Variants in ABCA9 observed in about 807,000 individuals in gnomAD.
ABCA9 encodes the protein ATP binding cassette subfamily A member 9.
ABCA9 carries 183 observed loss-of-function variants against 205.3 expected under a neutral mutation model. The ratio of observed to expected loss-of-function variants is 0.89; its 90% CI spans 0.79 to 1.01. ABCA9 has a LOEUF of 1.01. Ranked by LOEUF, ABCA9 falls within the 50% of genes least tolerant of loss-of-function variation. ABCA9 has a pLI of 0.00. For synonymous variants in ABCA9, 651 were observed against 683.3 expected (o/e 0.95, Z 0.74); for missense variants, 1,805 against 1,912.4 (o/e 0.94, Z 1.05).
intron 25 of ABCA9, chr17:69,004,693 A>G (rs370078634): frequency 3.4e-4 from 51 of 152,124 alleles, no homozygotes; most frequent in East Asian, 2.7e-3. Flanking sequence ...GGGCAATGGC[A>G]GGCGCCCCTC....
intron 19 of ABCA9, among the ~76,000 whole-genome samples, chr17:69,018,838 ATC>A (rs571465219): frequency 5.7e-4 from 86 of 152,046 alleles, no homozygotes; most frequent in Middle Eastern, 6.8e-3. Flanking sequence ...TGACTCTTAA[ATC>A]TCTCTTCACA....
chr17:69,038,999 C>T (rs1297466806), intron 6 of ABCA9, among the ~76,000 whole-genome samples: 1 of 152,090 alleles, frequency 6.6e-6, no homozygotes, highest in Non-Finnish European at 1.5e-5. Flanking sequence ...AGGAATACAA[C>T]TTACAAGGGA....
intron 10 of ABCA9, among the ~76,000 whole-genome samples, chr17:69,030,727 C>T (rs562835169): frequency 6.6e-6 from 1 of 152,248 alleles, no homozygotes; most frequent in East Asian, 1.9e-4. Context: ...TATCAGCTTG[C>T]TTTATTCCTT....
chr17:69,006,408 T>C (rs1202616302), intron 25 of ABCA9, among the ~76,000 whole-genome samples: 1 of 152,170 alleles, frequency 6.6e-6, no homozygotes, highest in East Asian at 1.9e-4. Flanking sequence ...CAACAATGAA[T>C]AAATAAATTA....
At chr17:69,026,510 T>C (rs753134410) in intron 15 of ABCA9, 43 bp from the exon 16 acceptor site, 4 of 1,491,322 alleles carry the variant, frequency 2.7e-6, no homozygotes, top group Admixed American at 1.7e-5. Flanking sequence ...GAAGGACTTA[T>C]TTCTTTACTA....
At chr17:68,981,857 A>AAAAAAAAAC in intron 37 of ABCA9, among the ~76,000 whole-genome samples, 1 of 150,902 alleles carries the variant, frequency 6.6e-6, no homozygotes, top group African/African-American at 2.4e-5. Context: ...AAAAAAAAAA[A>AAAAAAAAAC]AAAGCTAGGA....
At chr17:69,063,229 CCTTGCCTTTTG>C (rs1249569439), upstream of ABCA9, among the ~76,000 whole-genome samples, 1 of 152,148 alleles carries the variant, frequency 6.6e-6, no homozygotes, top group Non-Finnish European at 1.5e-5. Context: ...TTACAATTTT[CCTTGCCTTTTG>C]CTTCATTTAT....
At chr17:69,021,312 G>C (rs912049691) in intron 18 of ABCA9, among the ~76,000 whole-genome samples, 1 of 152,030 alleles carries the variant, frequency 6.6e-6, no homozygotes, top group Non-Finnish European at 1.5e-5. Flanking sequence ...AGCAATAAGA[G>C]AGAAAAGACA....
Position 69,049,349 on chromosome 17 carries a change from A to G in ABCA9, c.238T>C (p.Phe80Leu). 1 of 1,613,376 alleles carries G rather than the reference A, an allele frequency of 6.2e-7. No individual in the cohort carries two copies. Among genetic ancestry groups the G allele is most frequent in the Non-Finnish European group, 8.5e-7 (1 of 1,179,588 alleles). ...SFNDTNYVIAFAPESKTTQEI... is the reference protein window; with the variant it reads ...SFNDTNYVIALAPESKTTQEI... ...TGGGTAGTTTTGGATTCAGGTGCAA[A>G]TGCAATAACATAATTAGTATCATTA... The change falls in exon 3 of 39, where the codon TTT (phenylalanine) becomes CTT (leucine). Residue 80 changes from phenylalanine to leucine, a missense_variant. By Grantham distance (22) the Phe-to-Leu change is conservative. Transcript: ENST00000340001.
Position 69,008,241 on chromosome 17 carries a change from A to T in ABCA9, c.3148-6T>A, listed in dbSNP as rs184920534. The T allele has an allele frequency of 6.2e-7, 1 of 1,611,320 alleles. No homozygotes were observed. Among genetic ancestry groups the T allele is most frequent in the African/African-American group, 1.3e-5 (1 of 74,820 alleles). On this transcript the variant is annotated splice_polypyrimidine_tract_variant and splice_region_variant and intron_variant, in intron 23 of 38. Coordinates refer to ENST00000340001, the MANE Select transcript of ABCA9 (RefSeq NM_080283.4). ...AGCTGGGAATGAGCTTTTTTCTGATAAAGAAATAGAAGAATCATCAAAAGG... is the reference window on the plus strand; with the variant it reads ...AGCTGGGAATGAGCTTTTTTCTGATTAAGAAATAGAAGAATCATCAAAAGG...
At position 69,044,594 on chromosome 17, in the gene ABCA9, C is replaced by G. The variant is rs2071650061; in HGVS notation, c.476G>C (p.Cys159Ser). ...MKEHRDHSAH[C>S]QAVNEKMKCE... ...CTTCATTTTTTCATTCACTGCTTGA[C>G]AGTGAGCTTTAGAAGAAGAACACAT... The change falls in exon 5 of 39, where the codon TGT (cysteine) becomes TCT (serine). Residue 159 changes from cysteine to serine, a missense_variant. By Grantham distance (112) the Cys-to-Ser change is moderately radical. Coordinates refer to ENST00000340001, the MANE Select transcript of ABCA9 (RefSeq NM_080283.4). 3 of 1,612,414 alleles carry G rather than the reference C, an allele frequency of 1.9e-6. No individual in the cohort carries two copies. The highest frequency in any genetic ancestry group is 2.2e-5 in the East Asian group (1 of 44,748).
chr17:69,012,211 G>A, intron 22 of ABCA9, 128 bp from the exon 23 acceptor site: 1 of 591,812 alleles, frequency 1.7e-6, no homozygotes, highest in Non-Finnish European at 2.9e-6. Context: ...GGTCCTATAT[G>A]CAACTTCTTA....
In ABCA9 at chr17:68,986,286, G is replaced by A. The variant is rs368631087; in HGVS notation, c.4086C>T (p.Gly1362=). The change falls in exon 32 of 39, where the codon GGC becomes GGT. Residue 1362 remains glycine, a synonymous_variant. Coordinates refer to ENST00000340001, the MANE Select transcript of ABCA9 (RefSeq NM_080283.4). ...TCTCCTGAGGGCAGTACCCCAGGAA[G>A]CCCAGGGGTTCCCCTCCACCGCTCC... ...LKGSGGGEPL[G]FLGYCPQENA... 8.2e-4 allele frequency: 1,320 copies of A among 1,612,864 alleles called. 19 individuals are homozygous for A. The South Asian group carries it at 0.014, about 17-fold the overall frequency.
the ABCA9 span, among the ~76,000 whole-genome samples, chr17:69,077,091 T>C: frequency 1.3e-5 from 2 of 152,140 alleles, no homozygotes; most frequent in Non-Finnish European, 2.9e-5. Flanking sequence ...TTCCACCAGG[T>C]GTTATGTTAG....
At chr17:68,983,621 G>T in intron 36 of ABCA9, 88 bp downstream of exon 36, 1 of 1,525,250 alleles carries the variant, frequency 6.6e-7, no homozygotes, top group Non-Finnish European at 8.9e-7. Context: ...GTTAAAGAAC[G>T]AGAAGATAAA....
intron 1 of ABCA9, among the ~76,000 whole-genome samples, 152 bp downstream of exon 1, chr17:69,060,714 A>G (rs1459362251): frequency 6.6e-6 from 1 of 152,246 alleles, no homozygotes; most frequent in African/African-American, 2.4e-5. Context: ...ATTTAGACAT[A>G]CAAAATAAAA....
chr17:69,048,555 G>T (rs753878495), intron 3 of ABCA9, among the ~76,000 whole-genome samples: 1 of 152,092 alleles, frequency 6.6e-6, no homozygotes, highest in Non-Finnish European at 1.5e-5. Context: ...CTTCCATAGT[G>T]TGACTCCCAA....
chr17:69,074,847 A>G, the ABCA9 span, among the ~76,000 whole-genome samples: 1 of 152,132 alleles, frequency 6.6e-6, no homozygotes, highest in African/African-American at 2.4e-5. Context: ...GTTCTTTGAG[A>G]AATCTCCAAA....
At chr17:69,000,874 T>A (rs1194936403) in intron 25 of ABCA9, among the ~76,000 whole-genome samples, 1 of 145,854 alleles carries the variant, frequency 6.9e-6, no homozygotes, top group Non-Finnish European at 1.5e-5. Context: ...TATTTTATTC[T>A]CTTTGAAGCA....
Sources: gnomAD v4.1 joint callset for allele counts (sites outside exome capture counted in the v4.1 genomes callset) on GRCh38, gnomAD v4.1.1 for gene constraint, MANE v1.5 for transcripts, NCBI Gene and HGNC (gene_info 2026-07-23, HGNC 2026-07-21) for gene names.